EPS15L1: variants seen among roughly 807,000 people sequenced by gnomAD.
The protein encoded by EPS15L1 is epidermal growth factor receptor pathway substrate 15 like 1.
A neutral mutation model predicts 117.1 loss-of-function variants in EPS15L1; 43 were observed. The ratio of observed to expected loss-of-function variants is 0.37; its 90% CI spans 0.29 to 0.47. EPS15L1 has a LOEUF of 0.47. Ranked by LOEUF, EPS15L1 falls within the 20% of genes least tolerant of loss-of-function variation. The pLI is 0.99. For missense variants in EPS15L1, 981 were observed against 1,164.0 expected, an observed-to-expected ratio of 0.84 and a Z score of 2.29; for synonymous variants, 459 against 470.5, an observed-to-expected ratio of 0.98 and a Z score of 0.32.
Position 16,361,829 on chromosome 19 carries a change from C to T in EPS15L1, c.2536G>A (p.Ala846Thr), listed in dbSNP as rs2144630314. Residue 846 changes from alanine (A) to threonine (T), a missense_variant, in exon 23 of 24, where the codon GCA becomes ACA. This residue lies in a region of EPS15L1 where 819 missense variants were observed against 949.0 expected (regional missense o/e 0.86). Coordinates refer to ENST00000455140, the MANE Select transcript of EPS15L1 (RefSeq NM_001258374.3). ...SGKDPFVPSS[A>T]AKPSKASASG... The stretch of plus-strand genomic sequence containing the variant: ...GCAGAGGCCTTAGAAGGTTTAGCTG[C>T]AGAGGAGGGGACAAATGGGTCTTTT... 1.2e-6 allele frequency: 2 copies of T among 1,613,978 alleles called. No individual in the cohort carries two copies. Among genetic ancestry groups the T allele is most frequent in the South Asian group, 2.2e-5 (2 of 91,054 alleles).
In EPS15L1 at chr19:16,391,240, A is replaced by C. The variant is rs918545633; in HGVS notation, c.2103+1064T>G. Among the ~76,000 whole-genome samples, 3 of 152,178 alleles carry C rather than the reference A, an allele frequency of 2.0e-5. No individual in the cohort carries two copies. The East Asian group carries it at 5.8e-4, about 29-fold the overall frequency. On this transcript the variant is annotated intron_variant, in intron 19 of 23. Transcript: ENST00000455140. ...AAAAAAATAGAAATAGAAAAGAGAAAATCAATGAAATAGAAAACAAGCAGT... is the reference window on the plus strand; with the variant it reads ...AAAAAAATAGAAATAGAAAAGAGAACATCAATGAAATAGAAAACAAGCAGT...
At chr19:16,456,404 C>G (rs898573691) in intron 1 of EPS15L1, among the ~76,000 whole-genome samples, 1 of 150,638 alleles carries the variant, frequency 6.6e-6, no homozygotes. Flanking sequence ...CGCCTGTAAT[C>G]TCAGCACTTT....
intron 1 of EPS15L1, among the ~76,000 whole-genome samples, chr19:16,470,674 T>C (rs923475617): frequency 1.3e-5 from 2 of 152,104 alleles, no homozygotes; most frequent in Admixed American, 1.3e-4. Flanking sequence ...TGTTGCAAAT[T>C]GGCTAGCTGT....
intron 10 of EPS15L1, among the ~76,000 whole-genome samples, chr19:16,419,078 T>A (rs957660173): frequency 1.1e-4 from 17 of 152,180 alleles, no homozygotes; most frequent in Non-Finnish European, 8.8e-5. Flanking sequence ...TTGGATGTCC[T>A]GAAAGATGGG....
chr19:16,417,930 A>C lies in EPS15L1; in HGVS notation c.1107+18T>G. 1 of 1,608,430 alleles carries C rather than the reference A, an allele frequency of 6.2e-7. No individual in the cohort carries two copies. Among genetic ancestry groups the C allele is most frequent in the Non-Finnish European group, 8.5e-7 (1 of 1,177,454 alleles). On this transcript the variant is annotated intron_variant, in intron 11 of 23. Coordinates refer to ENST00000455140, the MANE Select transcript of EPS15L1 (RefSeq NM_001258374.3). ...GAAGGGATGTCAATACCCCCAGGGC[A>C]TGACCAGCACCACTCACCGGGCCGG...
At chr19:16,441,084 C>T (rs1051615856) in intron 3 of EPS15L1, 175 bp from the exon 4 acceptor site, 6 of 686,736 alleles carry the variant, frequency 8.7e-6, no homozygotes, top group East Asian at 2.6e-5. Flanking sequence ...TGCCCAGGGG[C>T]GCACAGCCAG....
At chr19:16,453,256 C>G (rs2145138729) in intron 1 of EPS15L1, among the ~76,000 whole-genome samples, 1 of 152,200 alleles carries the variant, frequency 6.6e-6, no homozygotes, top group East Asian at 1.9e-4. Context: ...CATGCCACCA[C>G]ACCCAGCTAA....
intron 20 of EPS15L1, 54 bp from the exon 21 acceptor site, chr19:16,385,265 T>C: frequency 6.8e-7 from 1 of 1,472,544 alleles, no homozygotes; most frequent in Non-Finnish European, 9.5e-7. Context: ...GAACATGCCT[T>C]CTGGGGTGGA....
In EPS15L1 at chr19:16,471,877, A is replaced by C; in HGVS notation, c.33+36T>G. 1 of 1,251,538 alleles carries C rather than the reference A, an allele frequency of 8.0e-7. No homozygotes were observed. The allele number at this position is 1,251,538 out of a possible 1,614,324, so 77.5% of individuals were successfully genotyped here. On this transcript the variant is annotated intron_variant, in intron 1 of 23. Coordinates refer to ENST00000455140, the MANE Select transcript of EPS15L1 (RefSeq NM_001258374.3). This position sits in a 1 kb window ranked among gnomAD's most constrained non-coding sequence, Gnocchi z 4.8. The stretch of plus-strand genomic sequence containing the variant: ...CCGCACCGCTCGCCTCGCGCCCCGC[A>C]CCCCGGCGCCGCCCCCAGGCCCGCC...
At chr19:16,389,368 T>G (rs2092453694) in intron 19 of EPS15L1, among the ~76,000 whole-genome samples, 1 of 151,942 alleles carries the variant, frequency 6.6e-6, no homozygotes, top group Admixed American at 6.6e-5. Flanking sequence ...GTGGGAGAAC[T>G]GCTTGAGCCC....
rs772418301 is a variant in EPS15L1 at position 16,377,201 on chromosome 19, A to T, written c.2301T>A (p.Asp767Glu). ...TGTCCTGTTTACTTTTAAAGGGGTCATCTGAGAATCCTGCCCCTCCCAAGG... is the reference window on the plus strand; with the variant it reads ...TGTCCTGTTTACTTTTAAAGGGGTCTTCTGAGAATCCTGCCCCTCCCAAGG... ...TSSLGGAGFS[D>E]DPFKSKQDTP... Residue 767 changes from aspartate (D) to glutamate (E), a missense_variant, in exon 22 of 24, where the codon GAT becomes GAA. By Grantham distance (45) the Asp-to-Glu change is conservative (BLOSUM62 2). Transcript: ENST00000455140. The T allele has an allele frequency of 6.2e-7, 1 of 1,613,134 alleles. No individual in the cohort carries two copies. Among genetic ancestry groups the T allele is most frequent in the Non-Finnish European group, 8.5e-7 (1 of 1,179,540 alleles).
At position 16,471,875 on chromosome 19, in the gene EPS15L1, G is replaced by A; in HGVS notation, c.33+38C>T. ...CGCCGCACCGCTCGCCTCGCGCCCC[G>A]CACCCCGGCGCCGCCCCCAGGCCCG... On this transcript the variant is annotated intron_variant, in intron 1 of 23. Coordinates refer to ENST00000455140, the MANE Select transcript of EPS15L1 (RefSeq NM_001258374.3). The surrounding 1 kb of genome is among the most constrained non-coding windows in gnomAD (Gnocchi z 4.8). 2 of 1,228,090 alleles carry A rather than the reference G, an allele frequency of 1.6e-6. No individual in the cohort carries two copies. The highest frequency in any genetic ancestry group is 2.2e-5 in the South Asian group (1 of 45,588). The allele number at this position is 1,228,090 out of a possible 1,614,324, so 76.1% of individuals were successfully genotyped here. A position where few individuals can be genotyped will look rare whatever the true frequency, so the allele number is the denominator to read the frequency against.
intron 1 of EPS15L1, among the ~76,000 whole-genome samples, chr19:16,452,890 C>T (rs962095406): frequency 2.0e-5 from 3 of 151,932 alleles, no homozygotes; most frequent in African/African-American, 4.8e-5. Context: ...TCCGCCTCCC[C>T]GGTTCATGCC....
chr19:16,458,311 T>C (rs1465630413), intron 1 of EPS15L1, among the ~76,000 whole-genome samples: 6 of 152,170 alleles, frequency 3.9e-5, no homozygotes, highest in Non-Finnish European at 7.3e-5. Flanking sequence ...AGCAGAAAGA[T>C]GGTTGCTGCC....
intron 19 of EPS15L1, among the ~76,000 whole-genome samples, chr19:16,391,856 G>T (rs187404130): frequency 6.6e-6 from 1 of 152,056 alleles, no homozygotes; most frequent in East Asian, 1.9e-4. Context: ...CCTACCAAAC[G>T]TGACTCTAAG....
chr19:16,445,848 T>C (rs1326173333), intron 1 of EPS15L1, among the ~76,000 whole-genome samples: 4 of 152,110 alleles, frequency 2.6e-5, no homozygotes, highest in East Asian at 1.9e-4. Flanking sequence ...AGGATGGCCG[T>C]AGGAATGGAA....
chr19:16,396,114 A>T (rs939561158), intron 16 of EPS15L1, among the ~76,000 whole-genome samples: 1 of 152,190 alleles, frequency 6.6e-6, no homozygotes, highest in African/African-American at 2.4e-5. Context: ...TTTAAAAAAA[A>T]AAATTAATTA....
chr19:16,428,417 A>C (rs1224112749), intron 8 of EPS15L1, among the ~76,000 whole-genome samples: 1 of 122,404 alleles, frequency 8.2e-6, no homozygotes, highest in Non-Finnish European at 1.7e-5. Flanking sequence ...GGAGGGAGGG[A>C]AGGAAGGAAG....
intron 5 of EPS15L1, 51 bp downstream of exon 5, chr19:16,437,719 A>G (rs2092991783): frequency 1.5e-6 from 2 of 1,316,664 alleles, no homozygotes; most frequent in Non-Finnish European, 2.2e-6. Context: ...ATACACACAC[A>G]CACACATCTG....
Sources: allele counts gnomAD v4.1 joint callset (sites outside exome capture counted in the v4.1 genomes callset), GRCh38; gene constraint gnomAD v4.1.1; regional missense constraint gnomAD v4.1.1; non-coding constraint Gnocchi (gnomAD v3.1); transcripts MANE v1.5; gene names NCBI Gene and HGNC (gene_info 2026-07-23, HGNC 2026-07-21).